SRRM3: variants seen among roughly 807,000 people sequenced by gnomAD.
SRRM3 encodes serine/arginine repetitive matrix 3.
In SRRM3, 27 loss-of-function variants were observed where a neutral mutation model predicts 66.2. That is an observed-to-expected ratio of 0.41 (90% confidence interval 0.30 to 0.56). The LOEUF is 0.56. Among genes scored for constraint, SRRM3 ranks in the 20% least tolerant of loss-of-function variants. SRRM3 has a pLI of 0.32. For missense variants in SRRM3, 918 were observed against 991.9 expected (o/e 0.93, Z 1.00); for synonymous variants, 391 against 414.9 (o/e 0.94, Z 0.70).
chr7:76,261,299 A>AC, intron 6 of SRRM3, 53 bp from the exon 7 acceptor site: 1 of 186,728 alleles, frequency 5.4e-6, no homozygotes, highest in Non-Finnish European at 1.1e-5. Flanking sequence ...AGCCATTTCC[A>AC]GCCCCCCACC....
chr7:76,245,093 T>TG (rs1554606046), intron 2 of SRRM3, among the ~76,000 whole-genome samples: 1 of 152,200 alleles, frequency 6.6e-6, no homozygotes. Flanking sequence ...GAACCTGCGA[T>TG]GGGGGGAGGC....
intron 2 of SRRM3, among the ~76,000 whole-genome samples, chr7:76,236,022 AAAAAAAAAG>A (rs1801142109): frequency 6.9e-6 from 1 of 145,448 alleles, no homozygotes; most frequent in South Asian, 2.2e-4. Flanking sequence ...AAAAAAAAAA[AAAAAAAAAG>A]GCCGGGCGCG....
At chr7:76,220,455 C>A (rs1025854581) in intron 1 of SRRM3, among the ~76,000 whole-genome samples, 5 of 152,142 alleles carry the variant, frequency 3.3e-5, no homozygotes, top group Admixed American at 3.3e-4. Flanking sequence ...ACAGGGATAG[C>A]GTAGGACTGG....
At position 76,282,656 on chromosome 7, in the gene SRRM3, A is replaced by G; in HGVS notation, c.1379A>G (p.Glu460Gly). 1 of 1,354,320 alleles carries G rather than the reference A, an allele frequency of 7.4e-7. No individual in the cohort carries two copies. Among genetic ancestry groups the G allele is most frequent in the Non-Finnish European group, 9.5e-7 (1 of 1,056,988 alleles). 83.9% of individuals were successfully genotyped at this position (1,354,320 alleles called of 1,614,324 possible). A position where few individuals can be genotyped will look rare whatever the true frequency, so the allele number is the denominator to read the frequency against. The change falls in exon 13 of 15, where the codon GAG (glutamate) becomes GGG (glycine). Residue 460 changes from glutamate to glycine, a missense_variant. Coordinates refer to ENST00000611745, the MANE Select transcript of SRRM3 (RefSeq NM_001110199.3). ...GHGGHGKRAK[E>G]RPPRARPAST... ...CCGTCTCCCTCCTCCAGGGCCAAGG[A>G]GCGGCCCCCGCGCGCGCGGCCCGCC...
chr7:76,205,527 A>C (rs1277306110), intron 1 of SRRM3, among the ~76,000 whole-genome samples: 1 of 152,164 alleles, frequency 6.6e-6, no homozygotes, highest in African/African-American at 2.4e-5. Flanking sequence ...CTCTCTTTAC[A>C]ACACCAGCTG....
At position 76,254,530 on chromosome 7, in the gene SRRM3, C is replaced by T. The variant is rs868930415; in HGVS notation, c.336-5376C>T. On this transcript the variant is annotated intron_variant, in intron 3 of 14. Coordinates refer to ENST00000611745, the MANE Select transcript of SRRM3 (RefSeq NM_001110199.3). ...ATGGGGTTTCACCATGTTGGTAAGG[C>T]TTGTCTCGAACTCCTCACTTCAAAT... Among the ~76,000 whole-genome samples the T allele has an allele frequency of 2.0e-5, 3 of 152,124 alleles. No individual in the cohort carries two copies. In the East Asian group the frequency reaches 5.8e-4, roughly 29 times the overall value.
chr7:76,284,795 G>A (rs370013798), intron 14 of SRRM3, among the ~76,000 whole-genome samples: 69 of 152,246 alleles, frequency 4.5e-4, no homozygotes, highest in African/African-American at 1.5e-3. Context: ...CTCTTCTCTG[G>A]GTCATAGCCT....
intron 1 of SRRM3, among the ~76,000 whole-genome samples, chr7:76,207,322 A>G (rs544812483): frequency 1.2e-4 from 18 of 149,730 alleles, no homozygotes; most frequent in Non-Finnish European, 2.4e-4. Flanking sequence ...AACACAGAGA[A>G]AGAGAGAGAG....
intron 1 of SRRM3, among the ~76,000 whole-genome samples, chr7:76,218,674 C>CTTTTTTTTTTTTTTTTTTTTTTTTTTTT (rs11349335): frequency 1.3e-5 from 1 of 76,278 alleles, no homozygotes; most frequent in African/African-American, 5.4e-5. Context: ...GCTTTCTTTT[C>CTTTTTTTTTTTTTTTTTTTTTTTTTTTT]TTTTTTTTTT....
chr7:76,259,583 TAA>T (rs111908455), intron 3 of SRRM3, among the ~76,000 whole-genome samples: 15 of 135,538 alleles, frequency 1.1e-4, no homozygotes, highest in Non-Finnish European at 1.1e-4. Flanking sequence ...TCTCCAAAAT[TAA>T]AAAAAAAAAA....
intron 2 of SRRM3, among the ~76,000 whole-genome samples, chr7:76,240,020 G>T (rs1019981593): frequency 6.6e-6 from 1 of 152,050 alleles, no homozygotes; most frequent in African/African-American, 2.4e-5. Context: ...AAAACAATTA[G>T]CCAGGTGTGG....
chr7:76,248,076 C>G (rs1197310596), intron 2 of SRRM3, 112 bp from the exon 3 acceptor site: 2 of 746,158 alleles, frequency 2.7e-6, no homozygotes, highest in Non-Finnish European at 4.7e-6. Context: ...TATTGCAAGC[C>G]GGAGTGTGCA....
chr7:76,270,816 A>G (rs1200651282), intron 11 of SRRM3, among the ~76,000 whole-genome samples: 3 of 98,922 alleles, frequency 3.0e-5, no homozygotes, highest in African/African-American at 6.4e-5. Context: ...TCCGTCTCGG[A>G]AAAAAAAAAA....
In SRRM3 at chr7:76,285,865, T is replaced by A; in HGVS notation, c.*22T>A. The A allele has an allele frequency of 6.5e-7, 1 of 1,537,520 alleles. No individual in the cohort carries two copies. Among genetic ancestry groups the A allele is most frequent in the Non-Finnish European group, 8.8e-7 (1 of 1,138,102 alleles). On this transcript the variant is annotated 3_prime_UTR_variant, in exon 15 of 15. Transcript: ENST00000611745. The surrounding 1 kb of genome is among the most constrained non-coding windows in gnomAD (Gnocchi z 4.1). Reference sequence around the variant, plus strand: ...CTGAGCCCAGACAGACTCAGCTTGGTGCCCCCCTGGCACTGGGAGAGGCGA... The same window carrying A: ...CTGAGCCCAGACAGACTCAGCTTGGAGCCCCCCTGGCACTGGGAGAGGCGA...
At chr7:76,244,440 C>T (rs1801386320) in intron 2 of SRRM3, among the ~76,000 whole-genome samples, 2 of 150,178 alleles carry the variant, frequency 1.3e-5, no homozygotes, top group South Asian at 4.2e-4. Flanking sequence ...AGGAGAATTG[C>T]TTGAACCTGG....
chr7:76,224,928 C>T (rs948977886), intron 1 of SRRM3, among the ~76,000 whole-genome samples: 5 of 152,170 alleles, frequency 3.3e-5, no homozygotes, highest in African/African-American at 1.2e-4. Flanking sequence ...AACAAGTTAA[C>T]TAGATAACTT....
chr7:76,264,942 A>G, intron 9 of SRRM3, 127 bp downstream of exon 9: 1 of 1,074,970 alleles, frequency 9.3e-7, no homozygotes, highest in Non-Finnish European at 1.3e-6. Flanking sequence ...AAAAATTAAG[A>G]TCTAGAAAGA....
intron 4 of SRRM3, 23 bp downstream of exon 4, chr7:76,260,057 G>C: frequency 6.7e-7 from 1 of 1,484,622 alleles, no homozygotes; most frequent in South Asian, 1.3e-5. Context: ...CGCGGCGGGG[G>C]TGGGGGGCGC....
chr7:76,247,143 G>A (rs534778421), intron 2 of SRRM3, among the ~76,000 whole-genome samples: 1 of 152,124 alleles, frequency 6.6e-6, no homozygotes, highest in Non-Finnish European at 1.5e-5. Flanking sequence ...CAGTGAGAGA[G>A]AATGACCACT....
Sources: gnomAD v4.1 joint callset for allele counts (sites outside exome capture counted in the v4.1 genomes callset) on GRCh38, gnomAD v4.1.1 for gene constraint, Gnocchi (gnomAD v3.1) non-coding constraint, MANE v1.5 for transcripts, NCBI Gene and HGNC (gene_info 2026-07-23, HGNC 2026-07-21) for gene names.